The following ANKS1B variants were observed in gnomAD, a reference collection of about 807,000 sequenced individuals.
ANKS1B encodes the protein ankyrin repeat and sterile alpha motif domain-containing protein 1B.
Under a neutral mutation model 148.3 loss-of-function variants are expected in ANKS1B, and 36 were observed. That is an observed-to-expected ratio of 0.24 (90% CI 0.19 to 0.32). The LOEUF (loss-of-function observed/expected upper bound fraction) is 0.32, where lower values mean the gene tolerates loss of function less well. ANKS1B is among the 10% of genes least tolerant of loss of function. ANKS1B has a pLI of 1.00. For missense variants in ANKS1B, 1,157 were observed against 1,542.6 expected (o/e 0.75, Z 4.19); for synonymous variants, 542 against 560.8 (o/e 0.97, Z 0.47).
At chr12:99,676,661 CT>C (rs2098574644) in intron 8 of ANKS1B, among the ~76,000 whole-genome samples, 1 of 152,172 alleles carries the variant, frequency 6.6e-6, no homozygotes, top group Non-Finnish European at 1.5e-5. Flanking sequence ...TCCATTAAGT[CT>C]TTTCTAACTT....
intron 4 of ANKS1B, among the ~76,000 whole-genome samples, chr12:99,796,732 TATC>T (rs1567865353): frequency 1.3e-5 from 2 of 151,920 alleles, no homozygotes; most frequent in African/African-American, 4.8e-5. Flanking sequence ...TGACAAGTAT[TATC>T]AATAATATTT....
rs1465052420 is a variant in ANKS1B, at chr12:99,115,947, AAAAAAAAG to A, written c.2527-30932_2527-30925del. On this transcript the variant is annotated intron_variant, in intron 15 of 26. Transcript: ENST00000683438. The stretch of plus-strand genomic sequence containing the variant: ...GACTCCGTCTCAAAAAAAAAAAAAA[AAAAAAAAG>A]ATGCTCTTAAGCTGGATTGCCTGTG... Among the ~76,000 whole-genome samples the A allele has an allele frequency of 5.3e-5, 8 of 151,890 alleles. No homozygotes were observed. The East Asian group carries it at 9.8e-4, about 19-fold the overall frequency.
chr12:99,104,174 G>A (rs1419726385), intron 15 of ANKS1B, among the ~76,000 whole-genome samples: 2 of 152,154 alleles, frequency 1.3e-5, no homozygotes, highest in African/African-American at 4.8e-5. Context: ...GATCTATGAG[G>A]GGGCTTTTGC....
chr12:98,933,927 T>C (rs570420470), intron 17 of ANKS1B, among the ~76,000 whole-genome samples: 1 of 152,208 alleles, frequency 6.6e-6, no homozygotes, highest in East Asian at 1.9e-4. Context: ...TGATATATGG[T>C]TTGCAAATAT....
chr12:99,920,677 A>G (rs549911203), intron 1 of ANKS1B, among the ~76,000 whole-genome samples: 1 of 152,208 alleles, frequency 6.6e-6, no homozygotes, highest in Non-Finnish European at 1.5e-5. Context: ...AAGGCCTGAG[A>G]ACTAGGGAGG....
intron 9 of ANKS1B, among the ~76,000 whole-genome samples, chr12:99,543,006 C>A (rs1000637774): frequency 6.6e-6 from 1 of 151,974 alleles, no homozygotes; most frequent in Non-Finnish European, 1.5e-5. Context: ...AAATTTAAAA[C>A]TTTTATGCTT....
At chr12:99,836,640 C>T (rs1157562361) in intron 1 of ANKS1B, among the ~76,000 whole-genome samples, 6 of 152,042 alleles carry the variant, frequency 3.9e-5, no homozygotes, top group African/African-American at 7.3e-5. Context: ...GAATTTGTAA[C>T]CACACCGAGC....
At position 99,948,059 on chromosome 12, in the gene ANKS1B, G is replaced by A. The variant is rs553844081; in HGVS notation, c.134+36045C>T. On this transcript the variant is annotated intron_variant, in intron 1 of 26. Transcript: ENST00000683438. ...CCCTACCTTAAGGTCAACTGATTAG[G>A]AACCTCAATTATATCTCAAAACCCC... 4.6e-5 allele frequency among the ~76,000 whole-genome samples: 7 copies of A among 152,184 alleles called. No individual in the cohort carries two copies. The South Asian group carries it at 1.0e-3, about 23-fold the overall frequency.
intron 9 of ANKS1B, among the ~76,000 whole-genome samples, chr12:99,533,164 G>A (rs1053783459): frequency 3.3e-5 from 5 of 152,128 alleles, no homozygotes; most frequent in African/African-American, 9.7e-5. Flanking sequence ...CATAAGAATA[G>A]GATGTTTTTC....
intron 17 of ANKS1B, among the ~76,000 whole-genome samples, chr12:99,001,425 G>C (rs2099932970): frequency 6.6e-6 from 1 of 152,146 alleles, no homozygotes; most frequent in South Asian, 2.1e-4. Flanking sequence ...CACCATGCCA[G>C]GCCCCAGTTT....
At chr12:99,307,213 C>A (rs541513604) in intron 12 of ANKS1B, among the ~76,000 whole-genome samples, 4 of 152,158 alleles carry the variant, frequency 2.6e-5, no homozygotes, top group Admixed American at 2.6e-4. Context: ...TTCAGGATTG[C>A]ATGATATAAT....
intron 19 of ANKS1B, among the ~76,000 whole-genome samples, chr12:98,828,223 C>T (rs1256365581): frequency 6.6e-6 from 1 of 152,184 alleles, no homozygotes; most frequent in African/African-American, 2.4e-5. Flanking sequence ...GCAGAATAGC[C>T]ATGGTTTCCA....
At chr12:99,692,668 CAAAAAA>C (rs71088139) in intron 8 of ANKS1B, among the ~76,000 whole-genome samples, 2 of 128,432 alleles carry the variant, frequency 1.6e-5, no homozygotes, top group Non-Finnish European at 3.3e-5. Flanking sequence ...AAGATTCTGT[CAAAAAA>C]AAAAAAAAAA....
chr12:99,668,218 C>A (rs954675091), intron 8 of ANKS1B, among the ~76,000 whole-genome samples: 1 of 150,480 alleles, frequency 6.6e-6, no homozygotes, highest in Non-Finnish European at 1.5e-5. Flanking sequence ...TAATTTAGGT[C>A]TTTCAAATAA....
chr12:99,914,312 A>G (rs1163727483), intron 1 of ANKS1B, among the ~76,000 whole-genome samples: 2 of 152,244 alleles, frequency 1.3e-5, no homozygotes, highest in Non-Finnish European at 2.9e-5. Flanking sequence ...AACAGGCTAC[A>G]GCAGTATAAT....
At chr12:99,564,544 T>C (rs2097369454) in intron 9 of ANKS1B, among the ~76,000 whole-genome samples, 1 of 152,042 alleles carries the variant, frequency 6.6e-6, no homozygotes, top group African/African-American at 2.4e-5. Context: ...GATAAACTTG[T>C]ATTTTCTCTA....
chr12:99,926,868 T>C (rs529191358), intron 1 of ANKS1B, among the ~76,000 whole-genome samples: 1 of 152,122 alleles, frequency 6.6e-6, no homozygotes, highest in Non-Finnish European at 1.5e-5. Flanking sequence ...CTTCTCATTG[T>C]CCCCATTCCC....
At chr12:99,532,277 C>A (rs754269230) in intron 9 of ANKS1B, among the ~76,000 whole-genome samples, 1 of 150,164 alleles carries the variant, frequency 6.7e-6, no homozygotes, top group Non-Finnish European at 1.5e-5. Context: ...AAGGCAATAT[C>A]CAGAAGAGTT....
chr12:99,111,223 A>G (rs1436510524), intron 15 of ANKS1B, among the ~76,000 whole-genome samples: 1 of 152,246 alleles, frequency 6.6e-6, no homozygotes, highest in Non-Finnish European at 1.5e-5. Flanking sequence ...TTTCAAGTTG[A>G]ACAATTTTAT....
Sources: allele counts gnomAD v4.1 joint callset (sites outside exome capture counted in the v4.1 genomes callset), GRCh38; gene constraint gnomAD v4.1.1; transcripts MANE v1.5; gene names NCBI Gene and HGNC (gene_info 2026-07-23, HGNC 2026-07-21).